The following COL24A1 variants were observed in gnomAD, a reference collection of about 807,000 sequenced individuals.
COL24A1 encodes collagen type XXIV alpha 1 chain.
Under a neutral mutation model 253.9 loss-of-function variants are expected in COL24A1, and 224 were observed. The observed-to-expected ratio is 0.88, with a 90% confidence interval of 0.79 to 0.99. The LOEUF is 0.99. Among genes scored for constraint, COL24A1 ranks in the 50% least tolerant of loss-of-function variants. COL24A1 has a pLI of 0.00. For synonymous variants in COL24A1, 685 were observed against 673.7 expected, an observed-to-expected ratio of 1.02 and a Z score of -0.26; for missense variants, 2,131 against 2,068.5, an observed-to-expected ratio of 1.03 and a Z score of -0.59.
At chr1:85,907,493 T>A (rs149889398) in intron 27 of COL24A1, among the ~76,000 whole-genome samples, 2 of 152,018 alleles carry the variant, frequency 1.3e-5, no homozygotes, top group African/African-American at 4.8e-5. Context: ...AAGCTTTTAA[T>A]ATTCACTGAC....
intron 33 of COL24A1, among the ~76,000 whole-genome samples, chr1:85,876,382 TAAAC>T (rs1393049866): frequency 6.6e-6 from 1 of 152,140 alleles, no homozygotes; most frequent in African/African-American, 2.4e-5. Flanking sequence ...AGATGGGAAT[TAAAC>T]AGAGGAAGAA....
At chr1:86,145,324 C>A (rs1351265139) in intron 2 of COL24A1, among the ~76,000 whole-genome samples, 2 of 152,050 alleles carry the variant, frequency 1.3e-5, no homozygotes, top group East Asian at 3.9e-4. Flanking sequence ...TGCAGAAGAG[C>A]CCTTTGCTAC....
chr1:85,850,333 T>A (rs1015035008), intron 37 of COL24A1, among the ~76,000 whole-genome samples: 1 of 152,170 alleles, frequency 6.6e-6, no homozygotes, highest in Admixed American at 6.5e-5. Context: ...GCAAAAATGA[T>A]GTAGACAAGA....
chr1:86,004,882 A>G (rs1193838864), intron 19 of COL24A1, among the ~76,000 whole-genome samples: 1 of 152,218 alleles, frequency 6.6e-6, no homozygotes, highest in Non-Finnish European at 1.5e-5. Flanking sequence ...TGACTAATTG[A>G]CCCTGATAAA....
At chr1:85,985,559 G>A (rs560647652) in intron 20 of COL24A1, among the ~76,000 whole-genome samples, 162 of 151,988 alleles carry the variant, frequency 1.1e-3, no homozygotes, top group Non-Finnish European at 2.0e-3. Context: ...CTGGAAGGTA[G>A]ATAGGAAGAA....
intron 47 of COL24A1, among the ~76,000 whole-genome samples, chr1:85,813,769 T>G (rs1201643502): frequency 6.6e-6 from 1 of 151,770 alleles, no homozygotes; most frequent in Non-Finnish European, 1.5e-5. Context: ...GCCGGGATGG[T>G]CTCGATCTCC....
intron 6 of COL24A1, among the ~76,000 whole-genome samples, chr1:86,090,778 T>G (rs540928082): frequency 4.6e-5 from 7 of 152,258 alleles, no homozygotes; most frequent in African/African-American, 1.7e-4. Flanking sequence ...AATATACTAT[T>G]AAATTTTATA....
rs1407404560 is a variant in COL24A1, at chr1:85,910,010, A to C, written c.2617-7T>G. The C allele has an allele frequency of 1.9e-6, 3 of 1,607,442 alleles. No homozygotes were observed. The highest frequency in any genetic ancestry group is 1.1e-5 in the South Asian group (1 of 90,858). ...CTGGACTTCCACGTTCTCCCTTTTA[A>C]GAGAACAAAGAAAAAAGAGTAACAT... On this transcript the variant is annotated splice_region_variant and splice_polypyrimidine_tract_variant and intron_variant, in intron 25 of 59. Transcript: ENST00000370571.
At chr1:85,788,775 A>C (rs1323890355) in intron 47 of COL24A1, among the ~76,000 whole-genome samples, 1 of 152,210 alleles carries the variant, frequency 6.6e-6, no homozygotes. Flanking sequence ...AATTTTCTGC[A>C]TATGGCTAGC....
chr1:86,083,690 G>C (rs1471962644), intron 7 of COL24A1, among the ~76,000 whole-genome samples: 1 of 152,104 alleles, frequency 6.6e-6, no homozygotes, highest in African/African-American at 2.4e-5. Flanking sequence ...TAGGTGGTTG[G>C]AGCCAGAGGA....
rs1444487777 is a variant in COL24A1, at chr1:85,905,815, G to T, written c.2778+1379C>A. Reference sequence around the variant, plus strand: ...GTGGTTTAGGAAAAGACTGTGCTTAGATACACAGCTTGTGCTTAAGGACTC... The same window carrying T: ...GTGGTTTAGGAAAAGACTGTGCTTATATACACAGCTTGTGCTTAAGGACTC... On this transcript the variant is annotated intron_variant, in intron 28 of 59. Coordinates refer to ENST00000370571, the MANE Select transcript of COL24A1 (RefSeq NM_152890.7). 2.0e-5 allele frequency among the ~76,000 whole-genome samples: 3 copies of T among 152,050 alleles called. No individual in the cohort carries two copies. The East Asian group carries it at 5.8e-4, about 29-fold the overall frequency.
At chr1:86,066,016 AG>A (rs1338937169) in intron 7 of COL24A1, among the ~76,000 whole-genome samples, 2 of 152,186 alleles carry the variant, frequency 1.3e-5, no homozygotes, top group African/African-American at 2.4e-5. Flanking sequence ...AACACAAAAA[AG>A]CAGATGCAGA....
intron 23 of COL24A1, among the ~76,000 whole-genome samples, chr1:85,962,167 T>C (rs1691147757): frequency 6.6e-6 from 1 of 152,108 alleles, no homozygotes; most frequent in South Asian, 2.1e-4. Flanking sequence ...ACAGAATACA[T>C]GCCACAGGTT....
At chr1:85,944,184 C>T (rs971375915) in intron 24 of COL24A1, among the ~76,000 whole-genome samples, 2 of 152,158 alleles carry the variant, frequency 1.3e-5, no homozygotes, top group Non-Finnish European at 2.9e-5. Context: ...TTCTCTATTA[C>T]AGTATTTCAG....
intron 8 of COL24A1, among the ~76,000 whole-genome samples, chr1:86,063,438 A>C (rs1017423817): frequency 6.6e-6 from 1 of 151,648 alleles, no homozygotes; most frequent in African/African-American, 2.4e-5. Context: ...TATTTATGAG[A>C]CTCTCAAAGG....
At chr1:85,854,892 A>G (rs1203236995) in intron 37 of COL24A1, among the ~76,000 whole-genome samples, 2 of 151,826 alleles carry the variant, frequency 1.3e-5, no homozygotes, top group East Asian at 1.9e-4. Flanking sequence ...TTAGTAGAGA[A>G]GGGGTTTCAC....
At chr1:85,827,168 C>A (rs313754) in intron 43 of COL24A1, among the ~76,000 whole-genome samples, 61,408 of 151,364 alleles carry the variant, frequency 0.41, 13,642 homozygotes, top group East Asian at 0.58. Context: ...GCCTTTTCTG[C>A]ATCTATTGAG....
intron 37 of COL24A1, among the ~76,000 whole-genome samples, chr1:85,865,581 G>C (rs1679696516): frequency 6.6e-6 from 1 of 152,074 alleles, no homozygotes; most frequent in South Asian, 2.1e-4. Context: ...CTGTCATACT[G>C]TATCATTCCT....
At chr1:86,026,177 C>T (rs1299992212) in intron 14 of COL24A1, among the ~76,000 whole-genome samples, 2 of 152,168 alleles carry the variant, frequency 1.3e-5, no homozygotes, top group African/African-American at 2.4e-5. Flanking sequence ...ATGGAAGTAA[C>T]AATACCTGCT....
Sources: gnomAD v4.1 joint callset for allele counts (sites outside exome capture counted in the v4.1 genomes callset) on GRCh38, gnomAD v4.1.1 for gene constraint, MANE v1.5 for transcripts, NCBI Gene and HGNC (gene_info 2026-07-23, HGNC 2026-07-21) for gene names.